The following LSAMP variants were observed in gnomAD, a reference collection of about 807,000 sequenced individuals.
LSAMP encodes limbic system-associated membrane protein.
A neutral mutation model predicts 38.6 loss-of-function variants in LSAMP; 7 were observed. The observed-to-expected ratio is 0.18, with a 90% confidence interval of 0.10 to 0.34. The LOEUF (loss-of-function observed/expected upper bound fraction) is 0.34. LSAMP is among the 10% of genes least tolerant of loss of function. LSAMP has a pLI of 1.00. For synonymous variants in LSAMP, 154 were observed against 166.8 expected (o/e 0.92, Z 0.59); for missense variants, 313 against 420.0 (o/e 0.75, Z 2.23).
At chr3:115,990,775 A>C (rs1939644580) in intron 3 of LSAMP, among the ~76,000 whole-genome samples, 1 of 152,096 alleles carries the variant, frequency 6.6e-6, no homozygotes, top group African/African-American at 2.4e-5. Flanking sequence ...ACGAGGTCTT[A>C]GGACATTTGT....
intron 1 of LSAMP, among the ~76,000 whole-genome samples, chr3:116,442,902 G>A (rs1233494314): frequency 6.6e-6 from 1 of 152,192 alleles, no homozygotes; most frequent in Non-Finnish European, 1.5e-5. Flanking sequence ...TATGTATACA[G>A]TGAGACTGCC....
intron 1 of LSAMP, among the ~76,000 whole-genome samples, chr3:116,330,563 CTTT>C (rs765494379): frequency 2.1e-4 from 32 of 151,992 alleles, no homozygotes; most frequent in Non-Finnish European, 1.6e-4. Flanking sequence ...CCCCCACAAC[CTTT>C]TTATTTTTCT....
At chr3:116,270,889 G>A (rs2046962827) in intron 1 of LSAMP, among the ~76,000 whole-genome samples, 1 of 152,138 alleles carries the variant, frequency 6.6e-6, no homozygotes, top group African/African-American at 2.4e-5. Context: ...AGTTCAGGCT[G>A]TGTTAGTCAC....
intron 1 of LSAMP, among the ~76,000 whole-genome samples, chr3:116,200,860 G>A (rs941617594): frequency 6.6e-6 from 1 of 152,120 alleles, no homozygotes; most frequent in African/African-American, 2.4e-5. Context: ...TCTTCTATTT[G>A]TAGGTAAATA....
chr3:115,935,895 C>T (rs891460182), intron 3 of LSAMP, among the ~76,000 whole-genome samples: 2 of 152,204 alleles, frequency 1.3e-5, no homozygotes, highest in Non-Finnish European at 2.9e-5. Flanking sequence ...TCTTCCCTTT[C>T]CTTCCCACCA....
intron 1 of LSAMP, among the ~76,000 whole-genome samples, chr3:116,380,396 T>A (rs1029860223): frequency 2.6e-5 from 4 of 152,050 alleles, no homozygotes; most frequent in African/African-American, 4.8e-5. Flanking sequence ...CAGTGATATA[T>A]AATTATGTCC....
At chr3:116,346,499 T>C (rs1244843752) in intron 1 of LSAMP, among the ~76,000 whole-genome samples, 1 of 152,040 alleles carries the variant, frequency 6.6e-6, no homozygotes, top group African/African-American at 2.4e-5. Context: ...TGGCTAATTT[T>C]TGTATTTTTG....
chr3:116,220,396 A>ACACAC (rs2046269597), intron 1 of LSAMP, among the ~76,000 whole-genome samples: 1 of 148,132 alleles, frequency 6.8e-6, no homozygotes, highest in African/African-American at 2.5e-5. Flanking sequence ...CACACACACA[A>ACACAC]AAGATACTTC....
intron 2 of LSAMP, among the ~76,000 whole-genome samples, chr3:116,064,981 AAAT>A (rs1459456602): frequency 3.3e-5 from 5 of 152,358 alleles, no homozygotes; most frequent in Middle Eastern, 6.8e-3. Flanking sequence ...ATGCAATATA[AAAT>A]AATAATAATC....
At chr3:116,132,185 A>C (rs150805780) in intron 1 of LSAMP, among the ~76,000 whole-genome samples, 1 of 152,126 alleles carries the variant, frequency 6.6e-6, no homozygotes, top group African/African-American at 2.4e-5. Context: ...TATACACTGA[A>C]AACTACTTTT....
chr3:116,298,039 G>A (rs752162037), intron 1 of LSAMP, among the ~76,000 whole-genome samples: 1 of 152,044 alleles, frequency 6.6e-6, no homozygotes, highest in Non-Finnish European at 1.5e-5. Context: ...TCTTCCAAAA[G>A]GCATGCTTCT....
chr3:116,263,632 T>C (rs1576467883), intron 1 of LSAMP, among the ~76,000 whole-genome samples: 1 of 151,828 alleles, frequency 6.6e-6, no homozygotes, highest in Admixed American at 6.6e-5. Flanking sequence ...TTCACTCCTA[T>C]AAAGCACATA....
chr3:116,349,982 T>G (rs1286109584), intron 1 of LSAMP, among the ~76,000 whole-genome samples: 1 of 152,104 alleles, frequency 6.6e-6, no homozygotes, highest in African/African-American at 2.4e-5. Context: ...TTGAATGTAT[T>G]ACATTTAATT....
intron 4 of LSAMP, among the ~76,000 whole-genome samples, chr3:115,847,331 G>C (rs1029545347): frequency 1.3e-5 from 2 of 152,184 alleles, no homozygotes; most frequent in African/African-American, 4.8e-5. Context: ...CACATTGTCT[G>C]TATAGAATTT....
intron 1 of LSAMP, among the ~76,000 whole-genome samples, chr3:116,268,155 T>C (rs2046917179): frequency 6.6e-6 from 1 of 152,028 alleles, no homozygotes; most frequent in South Asian, 2.1e-4. Flanking sequence ...TCCTAACACA[T>C]CCTTTTTCCA....
At chr3:116,074,907 G>C (rs747402786) in intron 2 of LSAMP, among the ~76,000 whole-genome samples, 1 of 140,778 alleles carries the variant, frequency 7.1e-6, no homozygotes, top group Non-Finnish European at 1.5e-5. Flanking sequence ...GCAATGGTGC[G>C]ATCTCGGCTC....
chr3:115,823,739 T>C (rs928278801), intron 6 of LSAMP, among the ~76,000 whole-genome samples: 2 of 152,216 alleles, frequency 1.3e-5, no homozygotes, highest in Non-Finnish European at 2.9e-5. Context: ...AATAAATTTT[T>C]TCTCCATTTT....
chr3:116,210,521 G>A (rs965257423), intron 1 of LSAMP, among the ~76,000 whole-genome samples: 7 of 152,172 alleles, frequency 4.6e-5, no homozygotes, highest in African/African-American at 1.7e-4. Context: ...GAGCTCTCGG[G>A]CCTTTGGCCA....
chr3:116,001,159 A>G (rs1309385902), intron 3 of LSAMP, among the ~76,000 whole-genome samples: 1 of 152,132 alleles, frequency 6.6e-6, no homozygotes, highest in East Asian at 1.9e-4. Flanking sequence ...AAGTTCCTAA[A>G]GTGCTTTGTG....
Sources: allele counts gnomAD v4.1 joint callset (sites outside exome capture counted in the v4.1 genomes callset), GRCh38; gene constraint gnomAD v4.1.1; transcripts MANE v1.5; gene names NCBI Gene and HGNC (gene_info 2026-07-23, HGNC 2026-07-21).